DHX57: variants seen among roughly 807,000 people sequenced by gnomAD.
DHX57 encodes the protein putative ATP-dependent RNA helicase DHX57.
A neutral mutation model predicts 156.2 loss-of-function variants in DHX57; 105 were observed. The observed-to-expected ratio is 0.67, with a 90% CI of 0.57 to 0.79. DHX57 has a LOEUF of 0.79. DHX57 is among the 30% of genes least tolerant of loss of function. The probability of loss-of-function intolerance (pLI) is 0.00; values close to 1 mark genes in which losing one functional copy is unlikely to be tolerated. For synonymous variants in DHX57, 704 were observed against 595.6 expected, an observed-to-expected ratio of 1.18 and a Z score of -2.65; for missense variants, 1,847 against 1,661.9, an observed-to-expected ratio of 1.11 and a Z score of -1.94.
At chr2:38,862,119 C>A (rs1484434959) in intron 4 of DHX57, 26 bp downstream of exon 4, 6 of 1,554,596 alleles carry the variant, frequency 3.9e-6, no homozygotes, top group South Asian at 1.2e-5. Flanking sequence ...TCTTTCCCAA[C>A]TCCCATAAAT....
chr2:38,809,114 A>G (rs1158053572), intron 21 of DHX57, among the ~76,000 whole-genome samples: 1 of 152,032 alleles, frequency 6.6e-6, no homozygotes, highest in Non-Finnish European at 1.5e-5. Flanking sequence ...ATTTTTAAAA[A>G]GTTTTGCCCA....
intron 14 of DHX57, 139 bp downstream of exon 14, chr2:38,828,201 A>C: frequency 1.8e-6 from 1 of 543,810 alleles, no homozygotes; most frequent in East Asian, 3.4e-5. Context: ...TCCTGCAGCA[A>C]ATAGGTTTGC....
chr2:38,828,673 A>C (rs1671231097), intron 13 of DHX57, among the ~76,000 whole-genome samples: 1 of 151,996 alleles, frequency 6.6e-6, no homozygotes, highest in Non-Finnish European at 1.5e-5. Flanking sequence ...CGGTAAGCCA[A>C]GATTGTGCCA....
intron 12 of DHX57, among the ~76,000 whole-genome samples, chr2:38,840,944 G>A (rs1222624905): frequency 6.6e-6 from 1 of 151,972 alleles, no homozygotes; most frequent in Admixed American, 6.6e-5. Context: ...TCAGCCTCCT[G>A]AGTAGCTGGG....
chr2:38,813,429 G>T (rs1670372829), intron 21 of DHX57, among the ~76,000 whole-genome samples: 1 of 151,334 alleles, frequency 6.6e-6, no homozygotes, highest in Non-Finnish European at 1.5e-5. Context: ...GGAGTGCAGT[G>T]GCGCAATCTC....
intron 16 of DHX57, among the ~76,000 whole-genome samples, chr2:38,825,237 G>A (rs372594796): frequency 9.1e-4 from 139 of 152,120 alleles, no homozygotes; most frequent in African/African-American, 3.1e-3. Flanking sequence ...ACTTAATGTA[G>A]TTCACTTTAA....
chr2:38,870,017 A>ATG (rs1449210545), intron 1 of DHX57, among the ~76,000 whole-genome samples: 2 of 152,144 alleles, frequency 1.3e-5, no homozygotes, highest in Non-Finnish European at 2.9e-5. Flanking sequence ...AATTATATAT[A>ATG]TAAAAAGAAC....
In DHX57 at chr2:38,813,945, T is replaced by G. The variant is rs201931249; in HGVS notation, c.3607-50A>C. ...TAACAAGTGATATGGCTATTTCTTTTTTTTCTTTTTGAGATGGAGTCTTGC... is the reference window on the plus strand; with the variant it reads ...TAACAAGTGATATGGCTATTTCTTTGTTTTCTTTTTGAGATGGAGTCTTGC... On this transcript the variant is annotated intron_variant, in intron 20 of 23. Coordinates refer to ENST00000457308, the MANE Select transcript of DHX57 (RefSeq NM_198963.3). 4.8e-5 allele frequency: 76 copies of G among 1,597,964 alleles called. No individual in the cohort carries two copies. The African/African-American group carries it at 9.0e-4, about 19-fold the overall frequency.
chr2:38,814,076 T>C (rs1469202290), intron 20 of DHX57, among the ~76,000 whole-genome samples, 181 bp from the exon 21 acceptor site: 1 of 152,192 alleles, frequency 6.6e-6, no homozygotes, highest in African/African-American at 2.4e-5. Context: ...TAGCTGGGAT[T>C]ACAGGCATAC....
At chr2:38,804,455 A>G (rs1669847936) in intron 22 of DHX57, among the ~76,000 whole-genome samples, 1 of 152,162 alleles carries the variant, frequency 6.6e-6, no homozygotes, top group Non-Finnish European at 1.5e-5. Flanking sequence ...GTGCCACTGC[A>G]CTCTAGCCTG....
At chr2:38,843,292 G>A (rs1415717958) in intron 11 of DHX57, 82 bp from the exon 12 acceptor site, 19 of 1,424,672 alleles carry the variant, frequency 1.3e-5, no homozygotes, top group East Asian at 2.3e-5. Flanking sequence ...TCACGTGCTC[G>A]TTCAGCAAAA....
chr2:38,799,334 C>G (rs1196836892), intron 23 of DHX57, among the ~76,000 whole-genome samples: 2 of 149,158 alleles, frequency 1.3e-5, no homozygotes, highest in Non-Finnish European at 3.0e-5. Context: ...CCATTGCACT[C>G]TAGCCTGGGC....
chr2:38,871,432 T>C (rs868667824), intron 1 of DHX57, among the ~76,000 whole-genome samples: 11 of 152,272 alleles, frequency 7.2e-5, no homozygotes, highest in African/African-American at 2.4e-4. Context: ...ATAATATGTA[T>C]AACAATACTA....
chr2:38,812,852 G>GTTTGTTTGTTTGTTTA (rs1553323020), intron 21 of DHX57, among the ~76,000 whole-genome samples: 50 of 151,190 alleles, frequency 3.3e-4, no homozygotes, highest in African/African-American at 1.1e-3. Context: ...TTGTTTGTTT[G>GTTTGTTTGTTTGTTTA]TTTGTTTGTT....
intron 6 of DHX57, among the ~76,000 whole-genome samples, chr2:38,857,809 G>A (rs532581188): frequency 6.6e-6 from 1 of 152,302 alleles, no homozygotes; most frequent in Middle Eastern, 3.4e-3. Flanking sequence ...GCGATCTTGG[G>A]CACATTATTT....
intron 9 of DHX57, among the ~76,000 whole-genome samples, chr2:38,849,684 C>T (rs908770830): frequency 1.3e-5 from 2 of 152,208 alleles, no homozygotes; most frequent in African/African-American, 2.4e-5. Flanking sequence ...AGTACTCTCC[C>T]GTTCATTCAC....
At chr2:38,866,171 T>C in intron 2 of DHX57, among the ~76,000 whole-genome samples, 1 of 152,194 alleles carries the variant, frequency 6.6e-6, no homozygotes, top group East Asian at 1.9e-4. Flanking sequence ...TCACACACCC[T>C]TGCCTCAAAC....
chr2:38,846,338 G>A (rs892772487), intron 11 of DHX57, among the ~76,000 whole-genome samples: 1 of 152,040 alleles, frequency 6.6e-6, no homozygotes, highest in African/African-American at 2.4e-5. Flanking sequence ...GTAAGTAGAG[G>A]GGGCCAGGCA....
At chr2:38,833,552 G>C (rs1392285211) in intron 13 of DHX57, among the ~76,000 whole-genome samples, 2 of 152,172 alleles carry the variant, frequency 1.3e-5, no homozygotes, top group Non-Finnish European at 2.9e-5. Context: ...ATTTAGTTAA[G>C]AGAAGATTTG....
Sources: allele counts gnomAD v4.1 joint callset (sites outside exome capture counted in the v4.1 genomes callset), GRCh38; gene constraint gnomAD v4.1.1; transcripts MANE v1.5; gene names NCBI Gene and HGNC (gene_info 2026-07-23, HGNC 2026-07-21).